Variants in SLC8A1 observed in about 807,000 individuals in gnomAD.
SLC8A1 encodes the protein solute carrier family 8 member A1, also known as sodium/calcium exchanger 1.
A neutral mutation model predicts 68.3 loss-of-function variants in SLC8A1; 18 were observed. The ratio of observed to expected loss-of-function variants is 0.26; its 90% CI spans 0.18 to 0.39. The LOEUF (loss-of-function observed/expected upper bound fraction) is 0.39. Among genes scored for constraint, SLC8A1 ranks in the 10% least tolerant of loss-of-function variants. The pLI is 1.00. For missense variants in SLC8A1, 985 were observed against 1,156.7 expected, an observed-to-expected ratio of 0.85 and a Z score of 2.15; for synonymous variants, 475 against 415.5, an observed-to-expected ratio of 1.14 and a Z score of -1.74.
At chr2:40,188,251 T>C (rs1408832362) in intron 2 of SLC8A1, among the ~76,000 whole-genome samples, 5 of 152,314 alleles carry the variant, frequency 3.3e-5, no homozygotes, top group South Asian at 2.1e-4. Context: ...AGATCTTAAC[T>C]GTACTCCTTA....
chr2:40,331,131 T>C (rs2076363518), intron 2 of SLC8A1, among the ~76,000 whole-genome samples: 1 of 152,200 alleles, frequency 6.6e-6, no homozygotes, highest in Admixed American at 6.5e-5. Context: ...ATGAGGGTGA[T>C]ATTATCTATG....
intron 4 of SLC8A1, among the ~76,000 whole-genome samples, chr2:40,167,480 T>C (rs1174308624): frequency 5.3e-5 from 8 of 152,326 alleles, no homozygotes; most frequent in African/African-American, 1.9e-4. Context: ...TTACATTAAG[T>C]AAATAGTATA....
Position 40,394,626 on chromosome 2 carries a change from A to G in SLC8A1, c.1808+33847T>C, listed in dbSNP as rs549013344. On this transcript the variant is annotated intron_variant, in intron 2 of 7. Coordinates refer to ENST00000406785, the Ensembl canonical transcript of SLC8A1. Reference sequence around the variant, plus strand: ...TTTTGAAAATAAAGTTTGTGAACCTATTTCTGCTATCTTCCTCTTTAGAGA... The same window carrying G: ...TTTTGAAAATAAAGTTTGTGAACCTGTTTCTGCTATCTTCCTCTTTAGAGA... Among the ~76,000 whole-genome samples the G allele has an allele frequency of 1.6e-4, 24 of 152,122 alleles. No homozygotes were observed. In the East Asian group the frequency reaches 4.3e-3, roughly 27 times the overall value.
chr2:40,354,039 T>C (rs191626051), intron 2 of SLC8A1, among the ~76,000 whole-genome samples: 18 of 152,320 alleles, frequency 1.2e-4, no homozygotes, highest in Admixed American at 7.9e-4. Context: ...GTGCAGATGT[T>C]TTTATAGGAA....
At chr2:40,351,670 T>C (rs1055637729) in intron 2 of SLC8A1, among the ~76,000 whole-genome samples, 1 of 151,992 alleles carries the variant, frequency 6.6e-6, no homozygotes, top group Admixed American at 6.6e-5. Flanking sequence ...ACTTTTGGCA[T>C]GCACTAAAAT....
At chr2:40,300,502 A>T (rs1006421977) in intron 2 of SLC8A1, among the ~76,000 whole-genome samples, 1 of 152,232 alleles carries the variant, frequency 6.6e-6, no homozygotes, top group South Asian at 2.1e-4. Context: ...CCACAAAAAC[A>T]AAGTATTGTT....
At chr2:40,282,894 C>G (rs1398423418) in intron 2 of SLC8A1, among the ~76,000 whole-genome samples, 5 of 152,182 alleles carry the variant, frequency 3.3e-5, no homozygotes, top group Non-Finnish European at 7.3e-5. Context: ...CTTGAAGACC[C>G]TGGGGTTAGC....
intron 2 of SLC8A1, among the ~76,000 whole-genome samples, chr2:40,378,511 C>T (rs953917937): frequency 6.6e-6 from 1 of 152,070 alleles, no homozygotes; most frequent in Non-Finnish European, 1.5e-5. Flanking sequence ...AGTTTTTACT[C>T]TCAGTGAAGT....
chr2:40,475,636 A>T (rs1371436902), intron 1 of SLC8A1, among the ~76,000 whole-genome samples: 1 of 152,110 alleles, frequency 6.6e-6, no homozygotes, highest in East Asian at 1.9e-4. Flanking sequence ...ATGTACACAT[A>T]CATGTACACA....
chr2:40,286,004 A>C (rs2068241496), intron 2 of SLC8A1, among the ~76,000 whole-genome samples: 1 of 152,118 alleles, frequency 6.6e-6, no homozygotes. Context: ...AAATGTTAGG[A>C]CCAGGGCAAG....
intron 5 of SLC8A1, among the ~76,000 whole-genome samples, chr2:40,163,778 T>A (rs2046084608): frequency 6.6e-6 from 1 of 152,240 alleles, no homozygotes; most frequent in Non-Finnish European, 1.5e-5. Flanking sequence ...ATTTTTATCT[T>A]AAAATATTCC....
chr2:40,206,250 T>C (rs578254513), intron 2 of SLC8A1, among the ~76,000 whole-genome samples: 119 of 152,188 alleles, frequency 7.8e-4, no homozygotes, highest in African/African-American at 2.7e-3. Flanking sequence ...TGGACAATTA[T>C]TGAATTTTAG....
At chr2:40,365,824 G>T (rs908804162) in intron 2 of SLC8A1, among the ~76,000 whole-genome samples, 3 of 151,832 alleles carry the variant, frequency 2.0e-5, no homozygotes, top group African/African-American at 7.3e-5. Context: ...AATACGGTAA[G>T]ATCTCACCTC....
At chr2:40,097,397 C>T (rs564344413) in exon 8 of SLC8A1, 26 of 152,092 alleles carry the variant, frequency 1.7e-4, no homozygotes, top group African/African-American at 5.8e-4. Flanking sequence ...TACAGTTTAA[C>T]ACGATTAAAC....
intron 2 of SLC8A1, among the ~76,000 whole-genome samples, chr2:40,252,886 A>C (rs2063047936): frequency 1.2e-5 from 1 of 86,318 alleles, no homozygotes; most frequent in Non-Finnish European, 2.2e-5. Context: ...ATATATTTTG[A>C]GCCAAATTTT....
At chr2:40,177,432 G>T (rs1300886325) in intron 3 of SLC8A1, among the ~76,000 whole-genome samples, 5 of 152,138 alleles carry the variant, frequency 3.3e-5, no homozygotes, top group Admixed American at 3.3e-4. Flanking sequence ...TTAATAATTG[G>T]AGTGACATTT....
intron 2 of SLC8A1, among the ~76,000 whole-genome samples, chr2:40,394,871 T>C (rs991642435): frequency 2.0e-5 from 3 of 152,144 alleles, no homozygotes; most frequent in Non-Finnish European, 2.9e-5. Flanking sequence ...AGAAAGTCAG[T>C]TGTTAGCATC....
At chr2:40,240,896 A>T (rs1014869787) in intron 2 of SLC8A1, among the ~76,000 whole-genome samples, 1 of 152,196 alleles carries the variant, frequency 6.6e-6, no homozygotes, top group Non-Finnish European at 1.5e-5. Context: ...AGTGACCCAC[A>T]TGTGTATTTG....
intron 2 of SLC8A1, among the ~76,000 whole-genome samples, chr2:40,271,709 G>A (rs571374738): frequency 6.6e-6 from 1 of 152,148 alleles, no homozygotes; most frequent in Non-Finnish European, 1.5e-5. Context: ...TAAATTCAAT[G>A]TATATTTGAT....
Sources: gnomAD v4.1 joint callset for allele counts (sites outside exome capture counted in the v4.1 genomes callset) on GRCh38, gnomAD v4.1.1 for gene constraint, MANE v1.5 for transcripts, NCBI Gene and HGNC (gene_info 2026-07-23, HGNC 2026-07-21) for gene names.